Variants in ADARB1 observed in about 807,000 individuals in gnomAD.
The protein encoded by ADARB1 is double-stranded RNA-specific editase 1.
A neutral mutation model predicts 52.4 loss-of-function variants in ADARB1; 10 were observed. The ratio of observed to expected loss-of-function variants is 0.19; its 90% CI spans 0.12 to 0.32. The LOEUF (loss-of-function observed/expected upper bound fraction) is 0.32, where lower values mean the gene tolerates loss of function less well. Ranked by LOEUF, ADARB1 falls within the 10% of genes least tolerant of loss-of-function variation. ADARB1 has a pLI of 1.00. For synonymous variants in ADARB1, 349 were observed against 371.1 expected, an observed-to-expected ratio of 0.94 and a Z score of 0.68; for missense variants, 643 against 922.3, an observed-to-expected ratio of 0.70 and a Z score of 3.92.
intron 2 of ADARB1, among the ~76,000 whole-genome samples, chr21:45,143,641 GTCTCCTCTCAC>G (rs2089853050): frequency 3.9e-5 from 6 of 152,166 alleles, no homozygotes; most frequent in Non-Finnish European, 8.8e-5. Flanking sequence ...CTGGACCTCC[GTCTCCTCTCAC>G]TCTCTGTTAA....
chr21:45,131,084 A>G (rs1427237793), intron 2 of ADARB1, among the ~76,000 whole-genome samples: 1 of 152,222 alleles, frequency 6.6e-6, no homozygotes, highest in Non-Finnish European at 1.5e-5. Flanking sequence ...TTATATAATT[A>G]TAGCCATATA....
intron 1 of ADARB1, among the ~76,000 whole-genome samples, chr21:45,114,647 CGTTGTT>C (rs372165793): frequency 1.1e-3 from 163 of 152,344 alleles, no homozygotes; most frequent in African/African-American, 3.6e-3. Context: ...CTATTAATAA[CGTTGTT>C]GAGGTTGTCA....
At chr21:45,097,768 G>C (rs1033792756) in intron 1 of ADARB1, among the ~76,000 whole-genome samples, 1 of 152,138 alleles carries the variant, frequency 6.6e-6, no homozygotes, top group African/African-American at 2.4e-5. Flanking sequence ...GGAGCTGTCA[G>C]GGAGGCCATT....
Position 45,139,135 on chromosome 21 carries a change from G to C in ADARB1, c.-48+10562G>C, listed in dbSNP as rs143359846. Among the ~76,000 whole-genome samples the C allele has an allele frequency of 1.6e-4, 25 of 152,198 alleles. No homozygotes were observed. The East Asian group carries it at 4.4e-3, about 27-fold the overall frequency. ...GGGGTTTTGCTGTGTTGCCCAGGCT[G>C]GTCTTGAACTCCTGGGCTCAGGTGA... On this transcript the variant is annotated intron_variant, in intron 2 of 10. Coordinates refer to ENST00000348831, the MANE Select transcript of ADARB1 (RefSeq NM_001112.4).
chr21:45,161,233 G>A (rs970868102), intron 2 of ADARB1, among the ~76,000 whole-genome samples: 1 of 152,206 alleles, frequency 6.6e-6, no homozygotes, highest in South Asian at 2.1e-4. Flanking sequence ...CCCCTTCCAA[G>A]TTGGAGGGGC....
At position 45,176,454 on chromosome 21, in the gene ADARB1, C is replaced by T. The variant is rs73384785; in HGVS notation, c.753C>T (p.Phe251=). 3,088 of 1,614,174 alleles carry T rather than the reference C, an allele frequency of 1.9e-3. 57 individuals are homozygous for T. The African/African-American group carries it at 0.037, about 19-fold the overall frequency. The change falls in exon 4 of 11, where the codon TTC becomes TTT. Residue 251 remains phenylalanine, a synonymous_variant. Transcript: ENST00000348831. The surrounding 1 kb of genome is among the most constrained non-coding windows in gnomAD (Gnocchi z 5.8). The stretch of plus-strand genomic sequence containing the variant: ...TGCGCCCAGGACTCAAGTATGACTT[C>T]CTCTCCGAGAGCGGGGAGAGCCATG... ...NELRPGLKYD[F]LSESGESHAK...
chr21:45,226,525 T>C lies in ADARB1; in HGVS notation c.*4328T>C, dbSNP rs1210517278. 1 of 152,624 alleles carries C rather than the reference T, an allele frequency of 6.6e-6. No individual in the cohort carries two copies. Among genetic ancestry groups the C allele is most frequent in the Non-Finnish European group, 1.5e-5 (1 of 68,044 alleles). The allele number at this position is 152,624 out of a possible 1,614,324, so 9.5% of individuals were successfully genotyped here. A position where few individuals can be genotyped will look rare whatever the true frequency, so the allele number is the denominator to read the frequency against. On this transcript the variant is annotated 3_prime_UTR_variant, in exon 11 of 11. Coordinates refer to ENST00000348831, the MANE Select transcript of ADARB1 (RefSeq NM_001112.4). ...ACGCTGTCAAATACAGACAAAGGAT[T>C]TGAGATGTTCTCAATAAAAAGAAAA...
rs776016318 is a variant in ADARB1, at chr21:45,185,006, C to T, written c.1480C>T (p.Arg494Cys). ...IESGEGTIPV[R>C]SNASIQTWDG... is the part of the protein sequence containing the mutation. ...GTCTGGTGAGGGGACGATTCCAGTG[C>T]GCTCCAATGCGAGCATCCAAACGTG... is the stretch of plus-strand genomic sequence containing the variant. Residue 494 changes from arginine (R) to cysteine (C), a missense_variant, in exon 8 of 11, where the codon CGC (arginine) becomes TGC (cysteine). By Grantham distance (180) the Arg-to-Cys change is radical. Coordinates refer to ENST00000348831, the MANE Select transcript of ADARB1 (RefSeq NM_001112.4). The T allele has an allele frequency of 6.2e-6, 10 of 1,614,194 alleles. No homozygotes were observed. The highest frequency in any genetic ancestry group is 1.7e-5 in the Admixed American group (1 of 60,022).
chr21:45,216,843 CT>C (rs1370250624), intron 9 of ADARB1, among the ~76,000 whole-genome samples: 1 of 151,836 alleles, frequency 6.6e-6, no homozygotes, highest in Non-Finnish European at 1.5e-5. Context: ...ATTTCTTCCC[CT>C]TTTTTAGAGT....
chr21:45,205,358 G>A (rs1410125715), intron 9 of ADARB1, among the ~76,000 whole-genome samples: 1 of 152,252 alleles, frequency 6.6e-6, no homozygotes, highest in Non-Finnish European at 1.5e-5. Flanking sequence ...CTCAGGCACT[G>A]TATTCATTCC....
chr21:45,136,666 C>T (rs1043747168), intron 2 of ADARB1, among the ~76,000 whole-genome samples: 28 of 152,248 alleles, frequency 1.8e-4, no homozygotes, highest in African/African-American at 6.3e-4. Flanking sequence ...AGAGCTGCCC[C>T]ACCAGCCAGC....
chr21:45,219,171 C>G (rs1232548531), intron 9 of ADARB1, among the ~76,000 whole-genome samples: 2 of 152,050 alleles, frequency 1.3e-5, no homozygotes, highest in Non-Finnish European at 2.9e-5. Flanking sequence ...TCAACATAAG[C>G]TCCATCAAAT....
chr21:45,147,896 C>T (rs544470173), intron 2 of ADARB1, among the ~76,000 whole-genome samples: 1 of 152,248 alleles, frequency 6.6e-6, no homozygotes. Flanking sequence ...CCTGCTTTAC[C>T]AGCACCACTT....
At chr21:45,138,917 GTCT>G (rs1250571777) in intron 2 of ADARB1, among the ~76,000 whole-genome samples, 1 of 142,148 alleles carries the variant, frequency 7.0e-6, no homozygotes, top group Non-Finnish European at 1.5e-5. Flanking sequence ...TCAGTTTGTT[GTCT>G]TCTTTTTTTT....
intron 1 of ADARB1, among the ~76,000 whole-genome samples, chr21:45,123,404 G>A (rs774550715): frequency 2.0e-5 from 3 of 152,168 alleles, no homozygotes; most frequent in Non-Finnish European, 4.4e-5. Context: ...CCTAGGCATA[G>A]GTGATCCTCC....
At chr21:45,184,525 T>C in intron 7 of ADARB1, 1 of 357,658 alleles carries the variant, frequency 2.8e-6, no homozygotes, top group Non-Finnish European at 5.6e-6. Flanking sequence ...CATGGCTCAC[T>C]GCAGCCTCGA....
chr21:45,144,796 T>A (rs781575206), intron 2 of ADARB1: 1 of 335,560 alleles, frequency 3.0e-6, no homozygotes, highest in East Asian at 8.5e-5. Flanking sequence ...GCACACAGAT[T>A]TACCACAATT....
intron 2 of ADARB1, among the ~76,000 whole-genome samples, chr21:45,170,584 A>G (rs888586867): frequency 1.3e-4 from 20 of 151,550 alleles, no homozygotes; most frequent in Non-Finnish European, 1.5e-5. Context: ...TATATAAAAT[A>G]TATATTTTTA....
intron 8 of ADARB1, among the ~76,000 whole-genome samples, chr21:45,203,493 C>T (rs573412858): frequency 1.3e-5 from 2 of 152,278 alleles, no homozygotes; most frequent in East Asian, 1.9e-4. Context: ...GTGTATGTAG[C>T]GCCCAGCAAA....
Sources: allele counts gnomAD v4.1 joint callset (sites outside exome capture counted in the v4.1 genomes callset), GRCh38; gene constraint gnomAD v4.1.1; non-coding constraint Gnocchi (gnomAD v3.1); transcripts MANE v1.5; gene names NCBI Gene and HGNC (gene_info 2026-07-23, HGNC 2026-07-21).